Variants in MYOF observed in about 807,000 individuals in gnomAD.
MYOF encodes myoferlin.
MYOF carries 244 observed loss-of-function variants against 284.2 expected under a neutral mutation model. That is an observed-to-expected ratio of 0.86 (90% confidence interval 0.77 to 0.95). The LOEUF (loss-of-function observed/expected upper bound fraction) is 0.95. Ranked by LOEUF, MYOF falls within the 40% of genes least tolerant of loss-of-function variation. The probability of loss-of-function intolerance (pLI) is 0.00; values close to 1 mark genes in which losing one functional copy is unlikely to be tolerated. For synonymous variants in MYOF, 904 were observed against 919.7 expected (o/e 0.98, Z 0.31); for missense variants, 2,496 against 2,560.6 (o/e 0.97, Z 0.54).
At chr10:93,436,232 T>C (rs1259173633) in intron 3 of MYOF, among the ~76,000 whole-genome samples, 1 of 152,192 alleles carries the variant, frequency 6.6e-6, no homozygotes, top group Non-Finnish European at 1.5e-5. Flanking sequence ...TTTATGGCCT[T>C]GAGTGGTTTT....
chr10:93,353,791 G>C lies in MYOF; in HGVS notation c.3481+20C>G. On this transcript the variant is annotated intron_variant, in intron 32 of 53. Coordinates refer to ENST00000359263, the MANE Select transcript of MYOF (RefSeq NM_013451.4). Reference sequence around the variant, plus strand: ...CATGCTATGTAATCATGTGTAGCATGTAGATTTTTTTTCCTTTACCTGAAA... The same window carrying C: ...CATGCTATGTAATCATGTGTAGCATCTAGATTTTTTTTCCTTTACCTGAAA... The C allele has an allele frequency of 6.3e-7, 1 of 1,589,532 alleles. No homozygotes were observed. Among genetic ancestry groups the C allele is most frequent in the Non-Finnish European group, 8.6e-7 (1 of 1,163,416 alleles).
intron 2 of MYOF, 27 bp from the exon 3 acceptor site, chr10:93,452,168 G>C (rs1405457136): frequency 6.7e-7 from 1 of 1,498,302 alleles, no homozygotes; most frequent in East Asian, 2.3e-5. Context: ...TTTGAAAAAA[G>C]AGAAAAAAAA....
At chr10:93,408,734 T>C in intron 7 of MYOF, 53 bp downstream of exon 7, 1 of 1,610,182 alleles carries the variant, frequency 6.2e-7, no homozygotes. Flanking sequence ...GCTCCCGTGT[T>C]TCCCTCCCCA....
chr10:93,431,590 C>G (rs1848873697), intron 3 of MYOF, 74 bp from the exon 4 acceptor site: 1 of 1,067,594 alleles, frequency 9.4e-7, no homozygotes, highest in South Asian at 1.3e-5. Context: ...ACCTCTCAAC[C>G]CCTACCTCTT....
intron 1 of MYOF, among the ~76,000 whole-genome samples, chr10:93,463,958 T>C (rs2134357338): frequency 6.6e-6 from 1 of 152,178 alleles, no homozygotes; most frequent in Non-Finnish European, 1.5e-5. Context: ...CGCTGGTTCA[T>C]TTTAATGTCA....
chr10:93,425,402 T>A (rs1848543140), intron 5 of MYOF, among the ~76,000 whole-genome samples: 1 of 151,080 alleles, frequency 6.6e-6, no homozygotes, highest in African/African-American at 2.4e-5. Flanking sequence ...TGAGAGGGGG[T>A]CCGACTCAGC....
intron 46 of MYOF, among the ~76,000 whole-genome samples, chr10:93,324,971 G>C (rs1478834291): frequency 6.6e-6 from 1 of 151,922 alleles, no homozygotes; most frequent in Non-Finnish European, 1.5e-5. Flanking sequence ...GTAGAGACAG[G>C]GTTTCACCAT....
chr10:93,431,297 T>C, intron 4 of MYOF, 111 bp downstream of exon 4: 2 of 812,660 alleles, frequency 2.5e-6, no homozygotes, highest in Non-Finnish European at 2.0e-6. Context: ...CCTCCCAAAG[T>C]GCTGGGATTA....
Position 93,333,274 on chromosome 10 carries a change from G to T in MYOF, c.4758C>A (p.Val1586=), listed in dbSNP as rs1164657660. ...GAATGTAGTGATCTCGGTCTTCAAT[G>T]ACTTTTTTGCCCAGTGTTATTTTTA... is the stretch of plus-strand genomic sequence containing the variant. ...PYIKITLGKK[V]IEDRDHYIPN... The change falls in exon 43 of 54, where the codon GTC becomes GTA. Residue 1586 remains valine, a synonymous_variant. Transcript: ENST00000359263. 3 of 1,614,118 alleles carry T rather than the reference G, an allele frequency of 1.9e-6. No individual in the cohort carries two copies. The highest frequency in any genetic ancestry group is 8.5e-7 in the Non-Finnish European group (1 of 1,180,022).
intron 53 of MYOF, among the ~76,000 whole-genome samples, chr10:93,307,359 G>A (rs989858420): frequency 1.5e-4 from 23 of 151,952 alleles, no homozygotes; most frequent in Non-Finnish European, 2.6e-4. Context: ...GCAGTGGCGC[G>A]ATCTCGGCTC....
chr10:93,307,191 C>T (rs1006891713), intron 53 of MYOF, among the ~76,000 whole-genome samples, 190 bp from the exon 54 acceptor site: 8 of 119,780 alleles, frequency 6.7e-5, no homozygotes, highest in African/African-American at 2.3e-4. Flanking sequence ...CAGTAGCACC[C>T]CCCCGCCAAG....
intron 5 of MYOF, among the ~76,000 whole-genome samples, chr10:93,421,190 C>G (rs925279182): frequency 6.6e-6 from 1 of 152,070 alleles, no homozygotes; most frequent in African/African-American, 2.4e-5. Flanking sequence ...GCGTTCCAGC[C>G]TGGGCGACAG....
At chr10:93,366,850 A>G (rs10509654) in intron 25 of MYOF, among the ~76,000 whole-genome samples, 1,966 of 152,346 alleles carry the variant, frequency 0.013, 55 homozygotes, top group African/African-American at 0.045. Flanking sequence ...CGTGCTTTGT[A>G]AATAGCGATA....
chr10:93,468,171 T>C (rs2057054771), intron 1 of MYOF, among the ~76,000 whole-genome samples: 1 of 152,244 alleles, frequency 6.6e-6, no homozygotes, highest in South Asian at 2.1e-4. Context: ...AGAATTTGAA[T>C]ATAGGTCTTC....
At chr10:93,390,875 C>T (rs1446960438) in intron 17 of MYOF, among the ~76,000 whole-genome samples, 5 of 151,888 alleles carry the variant, frequency 3.3e-5, no homozygotes, top group Non-Finnish European at 1.5e-5. Context: ...GATGTTAAAG[C>T]TATGGCACCA....
rs543868471 is a variant in MYOF, at chr10:93,459,244, A to T, written c.89-2307T>A. Among the ~76,000 whole-genome samples, 52 of 152,190 alleles carry T rather than the reference A, an allele frequency of 3.4e-4. 2 individuals carry two copies. The highest frequency in any genetic ancestry group is 2.9e-5 in the Non-Finnish European group (2 of 68,012). On this transcript the variant is annotated intron_variant, in intron 1 of 53. Coordinates refer to ENST00000359263, the MANE Select transcript of MYOF (RefSeq NM_013451.4). Reference sequence around the variant, plus strand: ...CCTTCCCTCTCCTCATCTAACAGAAACTCCCAATCCTCCTCTCTGGTTACA... The same window carrying T: ...CCTTCCCTCTCCTCATCTAACAGAATCTCCCAATCCTCCTCTCTGGTTACA...
intron 29 of MYOF, among the ~76,000 whole-genome samples, chr10:93,359,422 C>T (rs1169057534): frequency 1.3e-5 from 2 of 152,178 alleles, no homozygotes; most frequent in African/African-American, 2.4e-5. Flanking sequence ...TCCCATTTTG[C>T]AGATGAGAAA....
chr10:93,419,523 C>G (rs1245718232), intron 5 of MYOF, among the ~76,000 whole-genome samples: 2 of 152,132 alleles, frequency 1.3e-5, no homozygotes, highest in Admixed American at 1.3e-4. Flanking sequence ...CTATCATTCA[C>G]TCACTCATTC....
At chr10:93,308,444 G>C (rs183592159) in intron 53 of MYOF, among the ~76,000 whole-genome samples, 134 of 150,858 alleles carry the variant, frequency 8.9e-4, no homozygotes, top group African/African-American at 3.0e-3. Flanking sequence ...AATTGGCAGG[G>C]TGTGGTGGCA....
Sources: allele counts gnomAD v4.1 joint callset (sites outside exome capture counted in the v4.1 genomes callset), GRCh38; gene constraint gnomAD v4.1.1; transcripts MANE v1.5; gene names NCBI Gene and HGNC (gene_info 2026-07-23, HGNC 2026-07-21).